The following PDCD11 variants were observed in gnomAD, a reference collection of about 807,000 sequenced individuals.
PDCD11 encodes programmed cell death 11.
A neutral mutation model predicts 198.9 loss-of-function variants in PDCD11; 97 were observed. The observed-to-expected ratio is 0.49, with a 90% CI of 0.41 to 0.58. The LOEUF (loss-of-function observed/expected upper bound fraction) is 0.58, where lower values mean the gene tolerates loss of function less well. PDCD11 is among the 20% of genes least tolerant of loss of function. PDCD11 has a pLI of 0.00. For missense variants in PDCD11, 2,102 were observed against 2,312.7 expected, an observed-to-expected ratio of 0.91 and a Z score of 1.87; for synonymous variants, 893 against 918.0, an observed-to-expected ratio of 0.97 and a Z score of 0.49.
Position 103,421,470 on chromosome 10 carries a change from G to A in PDCD11, c.2400G>A (p.Ser800=), listed in dbSNP as rs752195699. 31 of 1,601,314 alleles carry A rather than the reference G, an allele frequency of 1.9e-5. No individual in the cohort carries two copies. The highest frequency in any genetic ancestry group is 1.6e-4 in the Middle Eastern group (1 of 6,062). ...KQRMLLSLRL[S]DCGLGDLAIT... is the part of the protein sequence containing the mutation. ...GGATGCTGCTGTCACTGCGGCTGTC[G>A]GACTGTGGTCTGGGGGACTTGGCTA... The change falls in exon 17 of 36, where the codon TCG becomes TCA. Residue 800 remains serine (S), a synonymous_variant. Transcript: ENST00000369797.
At position 103,434,369 on chromosome 10, in the gene PDCD11, GC is replaced by G; in HGVS notation, c.3667+21del. 1 of 1,501,350 alleles carries G rather than the reference GC, an allele frequency of 6.7e-7. No homozygotes were observed. The allele number at this position is 1,501,350 out of a possible 1,614,324, so 93.0% of individuals were successfully genotyped here. Reference sequence around the variant, plus strand: ...CTCACAGGTGTGGGGATGAAACAGTGCCTGGTCGGGGAAGGGGAGCGGCAGG... The same window carrying G: ...CTCACAGGTGTGGGGATGAAACAGTGCTGGTCGGGGAAGGGGAGCGGCAGG... On this transcript the variant is annotated intron_variant, in intron 24 of 35. Coordinates refer to ENST00000369797, the MANE Select transcript of PDCD11 (RefSeq NM_014976.2).
In PDCD11 at chr10:103,445,380, A is replaced by T; in HGVS notation, c.5447A>T (p.Asp1816Val). 1 of 1,614,132 alleles carries T rather than the reference A, an allele frequency of 6.2e-7. No individual in the cohort carries two copies. The highest frequency in any genetic ancestry group is 2.2e-5 in the East Asian group (1 of 44,882). Reference protein sequence around the residue: ...IKHGSQKDVRDIFERVIHLSL... With the variant: ...IKHGSQKDVRVIFERVIHLSL... The stretch of plus-strand genomic sequence containing the variant: ...GCCACTCTGCTTTTCCTCAACAGGG[A>T]CATCTTTGAGCGGGTCATTCATCTG... The change falls in exon 36 of 36, where the codon GAC (aspartate) becomes GTC (valine). Residue 1816 changes from aspartate (D) to valine (V), a missense_variant and splice_region_variant. By Grantham distance (152) the Asp-to-Val change is radical (BLOSUM62 -3). Transcript: ENST00000369797.
At chr10:103,434,090 C>T in intron 23 of PDCD11, 53 bp downstream of exon 23, 1 of 1,434,158 alleles carries the variant, frequency 7.0e-7, no homozygotes, top group South Asian at 1.1e-5. Flanking sequence ...TAAGCTTGGC[C>T]CAGTGCCTGG....
chr10:103,419,622 C>G lies in PDCD11; in HGVS notation c.2191C>G (p.Leu731Val), dbSNP rs755064552. 6.2e-7 allele frequency: 1 copy of G among 1,614,136 alleles called. No individual in the cohort carries two copies. The highest frequency in any genetic ancestry group is 1.7e-5 in the Admixed American group (1 of 60,012). ...CTTCTCAGAAATCCATCCTGGAATGCTGCTCATTGGTTTTGTGAAGAGCAT... is the reference window on the plus strand; with the variant it reads ...CTTCTCAGAAATCCATCCTGGAATGGTGCTCATTGGTTTTGTGAAGAGCAT... ...KNFSEIHPGM[L>V]LIGFVKSIKD... The change falls in exon 16 of 36, where the codon CTG (leucine) becomes GTG (valine). Residue 731 changes from leucine to valine, a missense_variant. By Grantham distance (32) the Leu-to-Val change is conservative. Transcript: ENST00000369797.
Position 103,413,196 on chromosome 10 carries a change from A to G in PDCD11, c.1059A>G (p.Gly353=). The part of the protein sequence containing the change: ...LSLRPIFLQP[G]RPLTRLSCQN... ...TGCGCCCCATCTTCCTACAGCCTGG[A>G]CGCCCACTCACCCGACTCTCTTGCC... The change falls in exon 9 of 36, where the codon GGA becomes GGG. Residue 353 remains glycine, a synonymous_variant. Transcript: ENST00000369797. The G allele has an allele frequency of 6.2e-7, 1 of 1,613,976 alleles. No individual in the cohort carries two copies. Among genetic ancestry groups the G allele is most frequent in the South Asian group, 1.1e-5 (1 of 91,080 alleles).
chr10:103,402,705 C>T (rs1592110963), intron 3 of PDCD11, among the ~76,000 whole-genome samples: 2 of 151,932 alleles, frequency 1.3e-5, no homozygotes, highest in African/African-American at 2.4e-5. Flanking sequence ...TCCCAAAGTG[C>T]TGGGACTACA....
intron 27 of PDCD11, among the ~76,000 whole-genome samples, chr10:103,439,020 A>G (rs1342723873): frequency 1.3e-5 from 2 of 152,230 alleles, no homozygotes; most frequent in African/African-American, 2.4e-5. Context: ...GACAAAGAAT[A>G]TGGCATTTCT....
chr10:103,433,351 C>T (rs781554392), intron 22 of PDCD11, among the ~76,000 whole-genome samples: 15 of 152,042 alleles, frequency 9.9e-5, no homozygotes, highest in Non-Finnish European at 1.3e-4. Context: ...AAAAATTTAG[C>T]CGGGCCTGGG....
At chr10:103,421,703 G>A (rs568414713) in intron 17 of PDCD11, 136 bp downstream of exon 17, 31 of 625,136 alleles carry the variant, frequency 5.0e-5, no homozygotes, top group South Asian at 2.9e-4. Context: ...GGTGGCTCAC[G>A]CCTGTAATCC....
chr10:103,397,210 CCT>C (rs2093440969), intron 1 of PDCD11, among the ~76,000 whole-genome samples: 1 of 130,144 alleles, frequency 7.7e-6, no homozygotes, highest in South Asian at 3.0e-4. Flanking sequence ...GCATTTGAAT[CCT>C]TTTTTTTTTT....
intron 25 of PDCD11, 87 bp from the exon 26 acceptor site, chr10:103,437,928 G>C (rs928434961): frequency 1.9e-6 from 2 of 1,051,572 alleles, no homozygotes; most frequent in Non-Finnish European, 2.9e-6. Flanking sequence ...CTGCCTATTC[G>C]TCAGCCTGGA....
chr10:103,437,003 G>T (rs991469961), intron 25 of PDCD11, among the ~76,000 whole-genome samples: 7 of 152,206 alleles, frequency 4.6e-5, no homozygotes, highest in Non-Finnish European at 1.0e-4. Flanking sequence ...GTACCTAGCT[G>T]ATGCCTTGGG....
At chr10:103,425,772 T>C (rs538764547) in intron 20 of PDCD11, among the ~76,000 whole-genome samples, 1 of 152,006 alleles carries the variant, frequency 6.6e-6, no homozygotes, top group African/African-American at 2.4e-5. Flanking sequence ...CTCTGCCTCC[T>C]GGGTTCACAC....
intron 20 of PDCD11, 96 bp from the exon 21 acceptor site, chr10:103,427,233 G>A: frequency 1.8e-6 from 2 of 1,088,416 alleles, no homozygotes; most frequent in Non-Finnish European, 1.4e-6. Flanking sequence ...GTGCTTTTGT[G>A]AGCTTGGTTT....
rs775099228 is a variant in PDCD11 at position 103,432,163 on chromosome 10, C to G, written c.3403C>G (p.His1135Asp). ...LEDGHTALNTHSVSPMEKIKQ... is the reference protein window; with the variant it reads ...LEDGHTALNTDSVSPMEKIKQ... ...GGATGGCCACACTGCTCTTAACACT[C>G]ACTCTGTTAGCCCCATGGAGAAGAT... The change falls in exon 22 of 36, where the codon CAC becomes GAC. Residue 1135 changes from histidine to aspartate, a missense_variant. Transcript: ENST00000369797. 2 of 1,614,028 alleles carry G rather than the reference C, an allele frequency of 1.2e-6. No homozygotes were observed. Among genetic ancestry groups the G allele is most frequent in the African/African-American group, 1.3e-5 (1 of 75,060 alleles).
Position 103,423,725 on chromosome 10 carries a change from C to G in PDCD11, c.2763+67C>G. On this transcript the variant is annotated intron_variant, in intron 19 of 35. Transcript: ENST00000369797. ...TGTACCCTTCAACCCCACTCCAGTTCAGGGATTCCAACTCAGATGCCTGTA... is the reference window on the plus strand; with the variant it reads ...TGTACCCTTCAACCCCACTCCAGTTGAGGGATTCCAACTCAGATGCCTGTA... 3 of 1,047,978 alleles carry G rather than the reference C, an allele frequency of 2.9e-6. No homozygotes were observed. The South Asian group carries it at 3.9e-5, about 14-fold the overall frequency. The allele number at this position is 1,047,978 out of a possible 1,614,324, so 64.9% of individuals were successfully genotyped here.
At position 103,406,094 on chromosome 10, in the gene PDCD11, G is replaced by A. The variant is rs763544046; in HGVS notation, c.674G>A (p.Arg225Lys). Residue 225 changes from arginine to lysine, a missense_variant, in exon 6 of 36, where the codon AGA becomes AAA. Physicochemically the swap from Arg to Lys is conservative, Grantham distance 26. Coordinates refer to ENST00000369797, the MANE Select transcript of PDCD11 (RefSeq NM_014976.2). ...CTGCTGAAAGCCCAGGAGTACATCA[G>A]ACAGAAGAACAAAGGTGAGGGCAAG... ...LPLLKAQEYI[R>K]QKNKGAKLKV... 8.7e-6 allele frequency: 14 copies of A among 1,614,032 alleles called. No individual in the cohort carries two copies. Among genetic ancestry groups the A allele is most frequent in the Non-Finnish European group, 4.2e-6 (5 of 1,180,006 alleles).
intron 1 of PDCD11, among the ~76,000 whole-genome samples, chr10:103,397,323 C>T (rs575369902): frequency 2.6e-5 from 4 of 151,614 alleles, no homozygotes; most frequent in Non-Finnish European, 5.9e-5. Context: ...CAATCTATAG[C>T]CTGCAGTATA....
rs146747336 is a variant in PDCD11, at chr10:103,442,334, G to C, written c.4829G>C (p.Arg1610Pro). 1 of 1,614,220 alleles carries C rather than the reference G, an allele frequency of 6.2e-7. No individual in the cohort carries two copies. Residue 1610 changes from arginine to proline, a missense_variant, in exon 32 of 36, where the codon CGA (arginine) becomes CCA (proline). By Grantham distance (103) the Arg-to-Pro change is moderately radical. Transcript: ENST00000369797. ...RQPESADDFD[R>P]LVLSSPNSSI... is the part of the protein sequence containing the mutation. ...CCAGAGTCCGCGGATGATTTTGACC[G>C]ACTGGTGCTGAGCTCCCCCAACAGC...
Sources: allele counts gnomAD v4.1 joint callset (sites outside exome capture counted in the v4.1 genomes callset), GRCh38; gene constraint gnomAD v4.1.1; transcripts MANE v1.5; gene names NCBI Gene and HGNC (gene_info 2026-07-23, HGNC 2026-07-21).